The following CLEC2A variants were observed in gnomAD, a reference collection of about 807,000 sequenced individuals.
CLEC2A encodes the protein keratinocyte-associated C-type lectin.
CLEC2A carries 19 observed loss-of-function variants against 18.6 expected under a neutral mutation model. That is an observed-to-expected ratio of 1.02 (90% CI 0.71 to 1.50). CLEC2A has a LOEUF of 1.50. CLEC2A is among the 40% of genes most tolerant of loss of function. The pLI is 0.00. For synonymous variants in CLEC2A, 74 were observed against 64.0 expected (o/e 1.16, Z -0.75); for missense variants, 190 against 207.9 (o/e 0.91, Z 0.53).
chr12:9,920,708 C>G (rs534214790), intron 3 of CLEC2A, among the ~76,000 whole-genome samples: 2 of 152,326 alleles, frequency 1.3e-5, no homozygotes, highest in Admixed American at 6.5e-5. Flanking sequence ...CTTGGCCACT[C>G]TCCAACCCCC....
At chr12:9,887,140 A>G in the CLEC2A span, among the ~76,000 whole-genome samples, 2 of 152,198 alleles carry the variant, frequency 1.3e-5, no homozygotes, top group East Asian at 1.9e-4. Flanking sequence ...AAAAAAGTAG[A>G]TATAAAATAA....
intron 3 of CLEC2A, among the ~76,000 whole-genome samples, chr12:9,918,578 T>C (rs993342726): frequency 1.3e-5 from 2 of 152,166 alleles, no homozygotes; most frequent in Non-Finnish European, 2.9e-5. Context: ...CCTTGGCAAT[T>C]TGGGCTCTTT....
At chr12:9,880,435 ACAGT>A in the CLEC2A span, among the ~76,000 whole-genome samples, 4 of 152,180 alleles carry the variant, frequency 2.6e-5, no homozygotes, top group Non-Finnish European at 5.9e-5. Flanking sequence ...GCTGTGGGAA[ACAGT>A]CAGCCACCTT....
At chr12:9,884,583 T>C in the CLEC2A span, among the ~76,000 whole-genome samples, 1 of 148,790 alleles carries the variant, frequency 6.7e-6, no homozygotes, top group African/African-American at 2.4e-5. Flanking sequence ...ATAATATATA[T>C]GTTTACATTG....
chr12:9,910,173 A>G (rs904873408), downstream of CLEC2A, among the ~76,000 whole-genome samples: 1 of 152,216 alleles, frequency 6.6e-6, no homozygotes, highest in African/African-American at 2.4e-5. Context: ...GCCCAAATGA[A>G]GCAAAAATAC....
At chr12:9,924,277 T>C (rs1342640609) in intron 2 of CLEC2A, among the ~76,000 whole-genome samples, 2 of 151,684 alleles carry the variant, frequency 1.3e-5, no homozygotes, top group East Asian at 3.8e-4. Flanking sequence ...GTCTTTCTGC[T>C]CTTTTTAATC....
At chr12:9,881,882 A>T in the CLEC2A span, among the ~76,000 whole-genome samples, 1 of 152,186 alleles carries the variant, frequency 6.6e-6, no homozygotes, top group East Asian at 1.9e-4. Context: ...GAATATGACG[A>T]TGTGTAATCC....
chr12:9,895,787 G>T (rs568655112), downstream of CLEC2A: 15 of 1,535,582 alleles, frequency 9.8e-6, no homozygotes, highest in South Asian at 1.2e-4. Context: ...AAGGGCATTT[G>T]CCAGAGAGAT....
the CLEC2A span, among the ~76,000 whole-genome samples, chr12:9,878,285 C>G: frequency 6.6e-6 from 1 of 152,076 alleles, no homozygotes; most frequent in Non-Finnish European, 1.5e-5. Context: ...TGCACATTTT[C>G]TATGTCTATT....
chr12:9,927,839 T>C (rs1007121617), intron 1 of CLEC2A, among the ~76,000 whole-genome samples: 3 of 151,972 alleles, frequency 2.0e-5, no homozygotes, highest in Non-Finnish European at 4.4e-5. Flanking sequence ...ATGTGTTTTT[T>C]TTTTCAAGAT....
chr12:9,892,167 G>A, the CLEC2A span, among the ~76,000 whole-genome samples: 141 of 152,206 alleles, frequency 9.3e-4, no homozygotes, highest in Admixed American at 2.6e-4. Context: ...AGAAATTGAC[G>A]GTTCAAGGCT....
downstream of CLEC2A, chr12:9,895,710 T>C (rs1252576500): frequency 9.1e-6 from 14 of 1,534,268 alleles, no homozygotes; most frequent in African/African-American, 1.4e-5. Flanking sequence ...TTGGACCAAC[T>C]GATGACAGGA....
At chr12:9,900,996 C>T (rs1862818918) in intron 4 of CLEC2A, among the ~76,000 whole-genome samples, 1 of 151,924 alleles carries the variant, frequency 6.6e-6, no homozygotes, top group Admixed American at 6.6e-5. Flanking sequence ...GAAAAAAAAA[C>T]ATGCTCCAGG....
the CLEC2A span, among the ~76,000 whole-genome samples, chr12:9,879,034 C>G: frequency 6.6e-6 from 1 of 151,850 alleles, no homozygotes; most frequent in African/African-American, 2.4e-5. Context: ...TAATTTGATT[C>G]TAGAGGTCAA....
At chr12:9,912,048 T>C (rs943102455), downstream of CLEC2A, among the ~76,000 whole-genome samples, 2 of 151,992 alleles carry the variant, frequency 1.3e-5, no homozygotes, top group African/African-American at 2.4e-5. Flanking sequence ...ACAGTGATAG[T>C]TGGGGGGCCT....
the CLEC2A span, among the ~76,000 whole-genome samples, chr12:9,890,301 G>A: frequency 6.6e-6 from 1 of 152,144 alleles, no homozygotes; most frequent in East Asian, 1.9e-4. Flanking sequence ...CAGTTCCCAC[G>A]AGTTGGGAGT....
the CLEC2A span, chr12:9,888,877 A>G: frequency 4.6e-6 from 3 of 646,912 alleles, no homozygotes; most frequent in East Asian, 2.8e-5. Flanking sequence ...CAGTAAGCCA[A>G]CAGCACTGGT....
Position 9,913,592 on chromosome 12 carries a change from A to C in CLEC2A, c.499T>G (p.Cys167Gly), listed in dbSNP as rs935973571. 6.5e-7 allele frequency: 1 copy of C among 1,549,450 alleles called. No individual in the cohort carries two copies. Among genetic ancestry groups the C allele is most frequent in the African/African-American group, 1.4e-5 (1 of 73,122 alleles). The change falls in exon 5 of 5, where the codon TGC (cysteine) becomes GGC (glycine). Residue 167 changes from cysteine to glycine, a missense_variant. Transcript: ENST00000455827. ...SRGFIDIKWI[C>G]SKPKYFL ...TATAAAAAATATTTAGGTTTGCTGC[A>C]AATCCACTTGATATCAATAAATCCT...
intron 1 of CLEC2A, among the ~76,000 whole-genome samples, chr12:9,928,269 C>G (rs1863311843): frequency 6.6e-6 from 1 of 152,086 alleles, no homozygotes; most frequent in African/African-American, 2.4e-5. Flanking sequence ...AATTTGAGAC[C>G]AGCCTGGCCA....
Sources: gnomAD v4.1 joint callset for allele counts (sites outside exome capture counted in the v4.1 genomes callset) on GRCh38, gnomAD v4.1.1 for gene constraint, MANE v1.5 for transcripts, NCBI Gene and HGNC (gene_info 2026-07-23, HGNC 2026-07-21) for gene names.